Variants in TTLL11 observed in about 807,000 individuals in gnomAD.
TTLL11 encodes tubulin tyrosine ligase like 11.
Under a neutral mutation model 51.7 loss-of-function variants are expected in TTLL11, and 42 were observed. That is an observed-to-expected ratio of 0.81 (90% CI 0.64 to 1.05). The LOEUF (loss-of-function observed/expected upper bound fraction) is 1.05. TTLL11 is among the 50% of genes least tolerant of loss of function. TTLL11 has a pLI of 0.00. For missense variants in TTLL11, 799 were observed against 940.4 expected (o/e 0.85, Z 1.97); for synonymous variants, 381 against 383.5 (o/e 0.99, Z 0.08).
intron 6 of TTLL11, among the ~76,000 whole-genome samples, chr9:121,900,534 T>A (rs539637627): frequency 4.6e-5 from 7 of 152,222 alleles, no homozygotes; most frequent in Admixed American, 1.3e-4. Context: ...TCGTTTCTAT[T>A]CTCATTGGAA....
chr9:122,052,232 C>T (rs1348217331), intron 1 of TTLL11, among the ~76,000 whole-genome samples: 1 of 152,194 alleles, frequency 6.6e-6, no homozygotes, highest in African/African-American at 2.4e-5. Flanking sequence ...GTGAACAGCA[C>T]TGCTCCCCAG....
At chr9:121,896,088 GGTT>G (rs1350523293) in intron 6 of TTLL11, among the ~76,000 whole-genome samples, 1 of 151,792 alleles carries the variant, frequency 6.6e-6, no homozygotes. Context: ...GTGCCCGTTT[GGTT>G]GTGTGTGTTT....
rs540211627 is a variant in TTLL11 at position 122,066,124 on chromosome 9, A to G, written c.462+26563T>C. On this transcript the variant is annotated intron_variant, in intron 1 of 8. Transcript: ENST00000321582. ...CTGTAAGAACTGAATGCATGTTCCAAAAATGATAGCAGACTACAGACTGAA... is the reference window on the plus strand; with the variant it reads ...CTGTAAGAACTGAATGCATGTTCCAGAAATGATAGCAGACTACAGACTGAA... Among the ~76,000 whole-genome samples, 15 of 152,212 alleles carry G rather than the reference A, an allele frequency of 9.9e-5. 1 individual carries two copies. In the South Asian group the frequency reaches 3.1e-3, roughly 32 times the overall value.
At chr9:121,842,503 T>C (rs1434195526) in intron 8 of TTLL11, among the ~76,000 whole-genome samples, 1 of 150,352 alleles carries the variant, frequency 6.7e-6, no homozygotes, top group Non-Finnish European at 1.5e-5. Flanking sequence ...ACTCCTGGGC[T>C]CAAGTGATCC....
intron 2 of TTLL11, among the ~76,000 whole-genome samples, chr9:122,038,101 A>G (rs1265264280): frequency 6.6e-6 from 1 of 152,176 alleles, no homozygotes; most frequent in East Asian, 1.9e-4. Flanking sequence ...GGATGAGTAA[A>G]CTTGCTTAAG....
At position 122,017,994 on chromosome 9, in the gene TTLL11, T is replaced by A. The variant is rs1428741315; in HGVS notation, c.693+13729A>T. On this transcript the variant is annotated intron_variant, in intron 3 of 8. Transcript: ENST00000321582. ...AAGGATACACACTAAACAAAAGCAA[T>A]TTCTGAAGAATGGGGACTTTTTTCT... 2.6e-5 allele frequency among the ~76,000 whole-genome samples: 4 copies of A among 152,186 alleles called. No homozygotes were observed. The East Asian group carries it at 7.7e-4, about 29-fold the overall frequency.
intron 8 of TTLL11, among the ~76,000 whole-genome samples, chr9:121,848,851 C>T (rs953261669): frequency 3.9e-5 from 6 of 152,010 alleles, no homozygotes; most frequent in East Asian, 1.9e-4. Flanking sequence ...CAACACAATC[C>T]AAATGAAAAT....
intron 4 of TTLL11, chr9:121,988,766 C>T (rs1366867830): frequency 4.5e-6 from 1 of 220,538 alleles, no homozygotes. Context: ...TCACAACAGA[C>T]TCTATGCATC....
chr9:122,047,018 T>C (rs538524724), intron 1 of TTLL11, among the ~76,000 whole-genome samples: 3 of 152,244 alleles, frequency 2.0e-5, no homozygotes, highest in South Asian at 2.1e-4. Flanking sequence ...ATAAGCCAGA[T>C]GGTGCTCAAA....
intron 6 of TTLL11, among the ~76,000 whole-genome samples, chr9:121,964,285 C>CTTTTTTTTTTTTTTTTTTTTTTTTTTTTT (rs143673197): frequency 6.6e-6 from 1 of 150,796 alleles, no homozygotes; most frequent in African/African-American, 2.5e-5. Flanking sequence ...ATTTCTTTTC[C>CTTTTTTTTTTTTTTTTTTTTTTTTTTTTT]TTTTTTTTGT....
In TTLL11 at chr9:121,845,056, C is replaced by G. The variant is rs1158194401; in HGVS notation, c.1840+15281G>C. 1.3e-5 allele frequency among the ~76,000 whole-genome samples: 2 copies of G among 151,932 alleles called. 1 individual carries two copies. Among genetic ancestry groups the G allele is most frequent in the Non-Finnish European group, 2.9e-5 (2 of 67,984 alleles). ...GCAGGACAAATAACAAAAATCTACA[C>G]CTAGAGAAAATCATATTTAAACTGT... On this transcript the variant is annotated intron_variant, in intron 8 of 8. Coordinates refer to ENST00000321582, the MANE Select transcript of TTLL11 (RefSeq NM_001139442.2).
intron 6 of TTLL11, among the ~76,000 whole-genome samples, chr9:121,959,066 T>A (rs1842124544): frequency 6.6e-6 from 1 of 152,044 alleles, no homozygotes; most frequent in Non-Finnish European, 1.5e-5. Flanking sequence ...ACAGAGGTAA[T>A]ATGCAAAGGG....
intron 1 of TTLL11, among the ~76,000 whole-genome samples, chr9:122,048,379 C>G (rs774324584): frequency 6.6e-6 from 1 of 152,156 alleles, no homozygotes; most frequent in Non-Finnish European, 1.5e-5. Context: ...GTTGCCCAGG[C>G]TGGTCTCAAA....
chr9:122,039,284 T>G lies in TTLL11; in HGVS notation c.547A>C (p.Asn183His). 1 of 1,613,988 alleles carries G rather than the reference T, an allele frequency of 6.2e-7. No individual in the cohort carries two copies. Among genetic ancestry groups the G allele is most frequent in the Non-Finnish European group, 8.5e-7 (1 of 1,179,904 alleles). The change falls in exon 2 of 9, where the codon AAC becomes CAC. Residue 183 changes from asparagine to histidine, a missense_variant. This residue lies in a region of TTLL11 where 468 missense variants were observed against 612.8 expected (regional missense o/e 0.76). Transcript: ENST00000321582. ...HDNDIFSGQVNKFPGMTEMVR... is the reference protein window; with the variant it reads ...HDNDIFSGQVHKFPGMTEMVR... Reference sequence around the variant, plus strand: ...TAACAGCAGATACCTGGAAACTTGTTCACTTGACCGGAGAATATGTCATTG... The same window carrying G: ...TAACAGCAGATACCTGGAAACTTGTGCACTTGACCGGAGAATATGTCATTG...
intron 6 of TTLL11, among the ~76,000 whole-genome samples, chr9:121,973,233 G>C (rs1842618952): frequency 1.3e-5 from 2 of 152,330 alleles, no homozygotes; most frequent in Non-Finnish European, 2.9e-5. Flanking sequence ...TGGGGACGAA[G>C]CAGAATTACA....
intron 6 of TTLL11, among the ~76,000 whole-genome samples, chr9:121,972,273 A>T (rs1842599036): frequency 1.3e-5 from 2 of 152,240 alleles, no homozygotes; most frequent in Non-Finnish European, 2.9e-5. Context: ...TGCTGCTGAG[A>T]CCAATAACTA....
chr9:121,937,776 C>T (rs1479726602), intron 6 of TTLL11, among the ~76,000 whole-genome samples: 1 of 151,232 alleles, frequency 6.6e-6, no homozygotes, highest in African/African-American at 2.4e-5. Flanking sequence ...AACATCAAAC[C>T]CTCAGGGAAG....
intron 6 of TTLL11, among the ~76,000 whole-genome samples, chr9:121,920,867 C>A (rs1465223369): frequency 2.0e-5 from 3 of 152,206 alleles, no homozygotes; most frequent in Non-Finnish European, 2.9e-5. Flanking sequence ...GGAGGAGCAT[C>A]CTTACCCACT....
chr9:122,085,848 T>C (rs1411339778), intron 1 of TTLL11, among the ~76,000 whole-genome samples: 3 of 152,164 alleles, frequency 2.0e-5, no homozygotes, highest in Admixed American at 2.0e-4. Context: ...CTGTATTTAG[T>C]ACAGAGTTTA....
Sources: gnomAD v4.1 joint callset for allele counts (sites outside exome capture counted in the v4.1 genomes callset) on GRCh38, gnomAD v4.1.1 for gene constraint, gnomAD v4.1.1 regional missense constraint, MANE v1.5 for transcripts, NCBI Gene and HGNC (gene_info 2026-07-23, HGNC 2026-07-21) for gene names.